THSD7B: variants seen among roughly 807,000 people sequenced by gnomAD.
THSD7B encodes the protein thrombospondin type-1 domain-containing protein 7B.
A neutral mutation model predicts 213.6 loss-of-function variants in THSD7B; 138 were observed. The ratio of observed to expected loss-of-function variants is 0.65; its 90% CI spans 0.56 to 0.74. THSD7B has a LOEUF of 0.74. Among genes scored for constraint, THSD7B ranks in the 30% least tolerant of loss-of-function variants. The probability of loss-of-function intolerance (pLI) is 0.00; values close to 1 mark genes in which losing one functional copy is unlikely to be tolerated. For synonymous variants in THSD7B, 742 were observed against 687.0 expected (o/e 1.08, Z -1.25); for missense variants, 1,931 against 1,991.5 (o/e 0.97, Z 0.58).
chr2:137,086,197 C>T lies in THSD7B; in HGVS notation c.951-8676C>T, dbSNP rs776955746. 4.6e-5 allele frequency among the ~76,000 whole-genome samples: 7 copies of T among 151,996 alleles called. No individual in the cohort carries two copies. In the South Asian group the frequency reaches 8.3e-4, roughly 18 times the overall value. ...ACTGAGAATACAAAAATTAGCTGGG[C>T]GTGATGGTGCACGCCTGTAATCCCA... On this transcript the variant is annotated intron_variant, in intron 3 of 27. Coordinates refer to ENST00000409968, the MANE Select transcript of THSD7B (RefSeq NM_001316349.2).
At chr2:137,135,457 T>C (rs1015985027) in intron 5 of THSD7B, among the ~76,000 whole-genome samples, 2 of 152,206 alleles carry the variant, frequency 1.3e-5, no homozygotes, top group African/African-American at 4.8e-5. Context: ...TTTGGAGTTT[T>C]CTTCTCTCAG....
chr2:137,160,130 A>T, intron 5 of THSD7B, 83 bp from the exon 6 acceptor site: 1 of 1,408,286 alleles, frequency 7.1e-7, no homozygotes, highest in Non-Finnish European at 9.6e-7. Flanking sequence ...TTTATTTGCA[A>T]GACAGGCATG....
intron 15 of THSD7B, among the ~76,000 whole-genome samples, chr2:137,454,521 G>T (rs1422009415): frequency 6.6e-6 from 1 of 151,654 alleles, no homozygotes; most frequent in African/African-American, 2.4e-5. Flanking sequence ...TCTCTGTGGT[G>T]ACTTCATTAT....
At chr2:137,592,625 C>G (rs965239133) in intron 17 of THSD7B, among the ~76,000 whole-genome samples, 8 of 151,854 alleles carry the variant, frequency 5.3e-5, no homozygotes, top group Non-Finnish European at 8.8e-5. Context: ...ACCCAAGCTG[C>G]ATTTTTCTGT....
intron 12 of THSD7B, among the ~76,000 whole-genome samples, chr2:137,404,749 T>C (rs1686470553): frequency 6.6e-6 from 1 of 151,640 alleles, no homozygotes; most frequent in Admixed American, 6.6e-5. Flanking sequence ...GTGAAGTAAC[T>C]CAGGAATGGA....
intron 27 of THSD7B, among the ~76,000 whole-genome samples, chr2:137,673,088 C>A (rs1192191370): frequency 6.6e-6 from 1 of 152,184 alleles, no homozygotes; most frequent in Non-Finnish European, 1.5e-5. Context: ...CAAATGGCTG[C>A]CAAAACAAAA....
At chr2:137,517,067 A>T (rs1362582905) in intron 15 of THSD7B, among the ~76,000 whole-genome samples, 1 of 152,234 alleles carries the variant, frequency 6.6e-6, no homozygotes, top group Non-Finnish European at 1.5e-5. Context: ...GCAAATTAAC[A>T]CATCTCCTGG....
intron 14 of THSD7B, among the ~76,000 whole-genome samples, chr2:137,415,522 G>A (rs1276224174): frequency 6.6e-6 from 1 of 152,168 alleles, no homozygotes; most frequent in Non-Finnish European, 1.5e-5. Flanking sequence ...ATCACTGCCT[G>A]ATGCAAAAGT....
intron 7 of THSD7B, among the ~76,000 whole-genome samples, chr2:137,223,305 C>T (rs1681413937): frequency 1.3e-5 from 2 of 152,108 alleles, no homozygotes; most frequent in African/African-American, 4.8e-5. Context: ...TAATAATACA[C>T]GAAGACCAAT....
intron 20 of THSD7B, among the ~76,000 whole-genome samples, chr2:137,633,587 C>G (rs1682780377): frequency 6.6e-6 from 1 of 152,068 alleles, no homozygotes; most frequent in Admixed American, 6.6e-5. Flanking sequence ...AACCTTCTAC[C>G]TGTATCATTT....
At chr2:136,820,849 A>T (rs1682553756) in intron 1 of THSD7B, among the ~76,000 whole-genome samples, 1 of 152,146 alleles carries the variant, frequency 6.6e-6, no homozygotes, top group Admixed American at 6.5e-5. Flanking sequence ...CACTAAATAT[A>T]CCAGTATCTG....
At chr2:137,117,151 T>C (rs1275597967) in intron 5 of THSD7B, among the ~76,000 whole-genome samples, 1 of 152,130 alleles carries the variant, frequency 6.6e-6, no homozygotes, top group African/African-American at 2.4e-5. Context: ...ACCTTAGTAG[T>C]TGTTATCAAA....
rs764914187 is a variant in THSD7B at position 137,618,421 on chromosome 2, G to A, written c.3595G>A (p.Ala1199Thr). Residue 1199 changes from alanine (A) to threonine (T), a missense_variant, in exon 19 of 28, where the codon GCA (alanine) becomes ACA (threonine). Coordinates refer to ENST00000409968, the MANE Select transcript of THSD7B (RefSeq NM_001316349.2). ...GAGCACATGCCAGCTGAGTGAAAAC[G>A]CACCCTGTGGTCAAGGCGTCAGGAC... is the stretch of plus-strand genomic sequence containing the variant. Reference protein sequence around the residue: ...EWSTCQLSENAPCGQGVRTRL... With the variant: ...EWSTCQLSENTPCGQGVRTRL... The A allele has an allele frequency of 8.9e-5, 144 of 1,613,656 alleles. No individual in the cohort carries two copies. The Admixed American group carries it at 1.0e-3, about 11-fold the overall frequency.
chr2:137,328,458 T>C (rs188086745), intron 12 of THSD7B, among the ~76,000 whole-genome samples: 38 of 152,324 alleles, frequency 2.5e-4, no homozygotes, highest in Admixed American at 1.5e-3. Context: ...TTTATTTTTA[T>C]TTTACAGTGA....
rs150609629 is a variant in THSD7B, at chr2:136,868,375, T to C, written c.-35-13769T>C. Among the ~76,000 whole-genome samples the C allele has an allele frequency of 5.3e-5, 8 of 152,298 alleles. No individual in the cohort carries two copies. The East Asian group carries it at 1.5e-3, about 29-fold the overall frequency. ...CCTGAATCTAATGGCAAATTACTAA[T>C]GGTCAATGCCTAGACATAATAAATA... On this transcript the variant is annotated intron_variant, in intron 1 of 27. Transcript: ENST00000409968.
chr2:137,046,809 G>A (rs1686979766), intron 2 of THSD7B, among the ~76,000 whole-genome samples: 1 of 152,010 alleles, frequency 6.6e-6, no homozygotes. Context: ...TGGCTTATTG[G>A]GGGAACCGAA....
chr2:137,350,531 C>A (rs555571592), intron 12 of THSD7B, among the ~76,000 whole-genome samples: 90 of 151,830 alleles, frequency 5.9e-4, no homozygotes, highest in African/African-American at 2.0e-3. Context: ...AGTTTATAAG[C>A]CACATTCATG....
At chr2:137,135,806 A>G (rs72848297) in intron 5 of THSD7B, among the ~76,000 whole-genome samples, 8,923 of 152,136 alleles carry the variant, frequency 0.059, 358 homozygotes, top group Middle Eastern at 0.092. Flanking sequence ...ATGTTTGCCT[A>G]AAGATTCAAG....
chr2:137,433,734 T>C (rs1004791455), intron 14 of THSD7B, among the ~76,000 whole-genome samples: 1 of 126,438 alleles, frequency 7.9e-6, no homozygotes, highest in Non-Finnish European at 1.8e-5. Flanking sequence ...GCTCAGTAGA[T>C]GACATTTACA....
Sources: allele counts gnomAD v4.1 joint callset (sites outside exome capture counted in the v4.1 genomes callset), GRCh38; gene constraint gnomAD v4.1.1; transcripts MANE v1.5; gene names NCBI Gene and HGNC (gene_info 2026-07-23, HGNC 2026-07-21).